Variants in LOC128125822 observed in about 807,000 individuals in gnomAD.
chr6:63,575,434 C>T, the LOC128125822 span, among the ~76,000 whole-genome samples: 1 of 152,094 alleles, frequency 6.6e-6, no homozygotes, highest in Non-Finnish European at 1.5e-5. Flanking sequence ...TAAAAATATG[C>T]TGTGACTATT....
At chr6:63,578,485 A>G in the LOC128125822 span, 1 of 1,611,624 alleles carries the variant, frequency 6.2e-7, no homozygotes, top group Non-Finnish European at 8.5e-7. Context: ...ATGTGAAGCA[A>G]CTTATGACAC....
At chr6:63,579,646 A>G in the LOC128125822 span, among the ~76,000 whole-genome samples, 1 of 152,206 alleles carries the variant, frequency 6.6e-6, no homozygotes, top group Non-Finnish European at 1.5e-5. Flanking sequence ...AGGTCTCCAA[A>G]GGAGACCAGT....
At chr6:63,573,578 T>G in the LOC128125822 span, 1 of 152,222 alleles carries the variant, frequency 6.6e-6, no homozygotes, top group Admixed American at 6.5e-5. Flanking sequence ...TTCCGCGAGC[T>G]GCACCCCTGC....
the LOC128125822 span, chr6:63,578,829 GA>G: frequency 3.0e-5 from 41 of 1,346,360 alleles, no homozygotes; most frequent in East Asian, 9.6e-4. Context: ...TTCCATGTTA[GA>G]AATTTAGAAT....
chr6:63,572,804 G>A, the LOC128125822 span: 1 of 397,246 alleles, frequency 2.5e-6, no homozygotes, highest in Non-Finnish European at 4.4e-6. Flanking sequence ...TTCGGAGCCC[G>A]GCGTCTCCTC....
chr6:63,576,338 A>G, the LOC128125822 span: 8 of 394,508 alleles, frequency 2.0e-5, no homozygotes, highest in African/African-American at 1.4e-4. Context: ...CCTGCTTTAG[A>G]AAAATAGTTG....
At chr6:63,578,450 A>G in the LOC128125822 span, 1 of 1,607,772 alleles carries the variant, frequency 6.2e-7, no homozygotes, top group Middle Eastern at 1.7e-4. Flanking sequence ...CTTAAGAAGT[A>G]TGGAGTTACC....
At chr6:63,577,087 A>G in the LOC128125822 span, 1 of 816,270 alleles carries the variant, frequency 1.2e-6, no homozygotes, top group Non-Finnish European at 2.0e-6. Flanking sequence ...GAGATGATAT[A>G]CCTACAATTC....
the LOC128125822 span, chr6:63,573,607 C>T: frequency 6.6e-6 from 1 of 152,330 alleles, no homozygotes; most frequent in Non-Finnish European, 1.5e-5. Flanking sequence ...GAGTGGGGTT[C>T]TGCTAGGTGA....
the LOC128125822 span, among the ~76,000 whole-genome samples, chr6:63,575,789 C>T: frequency 6.6e-6 from 1 of 151,884 alleles, no homozygotes; most frequent in Non-Finnish European, 1.5e-5. Context: ...GACTCATTTT[C>T]CTCGTCTTCA....
chr6:63,572,592 C>T, the LOC128125822 span: 3 of 417,872 alleles, frequency 7.2e-6, no homozygotes, highest in African/African-American at 2.0e-5. Context: ...CCTGCATCGC[C>T]GCCACCGCCG....
chr6:63,583,079 T>G, the LOC128125822 span: 2 of 152,312 alleles, frequency 1.3e-5, no homozygotes, highest in Non-Finnish European at 2.9e-5. Flanking sequence ...GTCACCAGAT[T>G]TTGGTCACCA....
chr6:63,580,035 T>A, the LOC128125822 span: 1 of 664,396 alleles, frequency 1.5e-6, no homozygotes, highest in East Asian at 6.3e-5. Context: ...CTTGTTTCAT[T>A]TTTTTTTTTT....
chr6:63,578,418 T>A, the LOC128125822 span: 46 of 1,594,882 alleles, frequency 2.9e-5, no homozygotes, highest in Admixed American at 1.1e-4. Flanking sequence ...AAGATTTTTT[T>A]AATGTACGTT....
At chr6:63,578,299 A>G in the LOC128125822 span, 1 of 1,120,566 alleles carries the variant, frequency 8.9e-7, no homozygotes, top group Non-Finnish European at 1.2e-6. Context: ...TGTGTTAAAC[A>G]TAAATGGATT....
the LOC128125822 span, among the ~76,000 whole-genome samples, chr6:63,576,078 C>G: frequency 6.7e-6 from 1 of 149,562 alleles, no homozygotes; most frequent in Admixed American, 6.7e-5. Flanking sequence ...TTATTAGAAT[C>G]ATATAATTAT....
At chr6:63,581,896 C>T in the LOC128125822 span, 1 of 152,020 alleles carries the variant, frequency 6.6e-6, no homozygotes, top group African/African-American at 2.4e-5. Context: ...TTTAATGATC[C>T]ACAATAATCC....
the LOC128125822 span, among the ~76,000 whole-genome samples, chr6:63,577,475 G>C: frequency 6.6e-6 from 1 of 152,104 alleles, no homozygotes; most frequent in Non-Finnish European, 1.5e-5. Context: ...ATAATATATC[G>C]GGATGTGCAC....
At chr6:63,582,036 A>C in the LOC128125822 span, 1 of 152,102 alleles carries the variant, frequency 6.6e-6, no homozygotes, top group South Asian at 2.1e-4. Flanking sequence ...ATTTAGTTCC[A>C]CCTCTTCATA....
Sources: allele counts gnomAD v4.1 joint callset (sites outside exome capture counted in the v4.1 genomes callset), GRCh38; gene constraint gnomAD v4.1.1; transcripts MANE v1.5.